Variants in FGF11 observed in about 807,000 individuals in gnomAD.
FGF11 encodes the protein fibroblast growth factor 11, also known as fibroblast growth factor homologous factor 3.
In FGF11, 25 loss-of-function variants were observed where a neutral mutation model predicts 25.1. That is an observed-to-expected ratio of 1.00 (90% CI 0.73 to 1.39). The LOEUF is 1.39. Among genes scored for constraint, FGF11 ranks in the 40% most tolerant of loss-of-function variants. The probability of loss-of-function intolerance (pLI) is 0.00; values close to 1 mark genes in which losing one functional copy is unlikely to be tolerated. For missense variants in FGF11, 320 were observed against 311.0 expected (o/e 1.03, Z -0.22); for synonymous variants, 130 against 128.9 (o/e 1.01, Z -0.06).
At position 7,439,811 on chromosome 17, in the gene FGF11, C is replaced by G; in HGVS notation, c.191C>G (p.Pro64Arg). The part of the protein sequence containing the change: ...GGRPARPDRG[P>R]EPQLKGIVTK... ...CGGCCCGCGCGGCCGGACCGCGGCC[C>G]GGGTGAGTGCGGCTGGGGCGGGGTC... is the stretch of plus-strand genomic sequence containing the variant. The change falls in exon 1 of 5, where the codon CCG (proline) becomes CGG (arginine). Residue 64 changes from proline to arginine, a missense_variant and splice_region_variant. By Grantham distance (103) the Pro-to-Arg change is moderately radical. Coordinates refer to ENST00000293829, the MANE Select transcript of FGF11 (RefSeq NM_004112.4). The G allele has an allele frequency of 7.0e-7, 1 of 1,427,562 alleles. No individual in the cohort carries two copies. The highest frequency in any genetic ancestry group is 9.1e-7 in the Non-Finnish European group (1 of 1,096,566). 88.4% of individuals were successfully genotyped at this position (1,427,562 alleles called of 1,614,324 possible). A position where few individuals can be genotyped will look rare whatever the true frequency, so the allele number is the denominator to read the frequency against.
At chr17:7,441,133 C>T (rs140464396) in intron 1 of FGF11, 7 of 308,288 alleles carry the variant, frequency 2.3e-5, no homozygotes, top group Middle Eastern at 2.5e-3. Context: ...CCCTGCTGGT[C>T]TCCCTCTGTC....
Position 7,440,070 on chromosome 17 carries a change from C to T in FGF11, c.193+257C>T, listed in dbSNP as rs917574296. 4.2e-5 allele frequency: 16 copies of T among 382,740 alleles called. No homozygotes were observed. Among genetic ancestry groups the T allele is most frequent in the African/African-American group, 3.1e-4 (15 of 47,992 alleles). The allele number at this position is 382,740 out of a possible 1,614,324, so 23.7% of individuals were successfully genotyped here. On this transcript the variant is annotated intron_variant, in intron 1 of 4. Transcript: ENST00000293829. The surrounding 1 kb of genome is among the most constrained non-coding windows in gnomAD (Gnocchi z 5.4). Reference sequence around the variant, plus strand: ...CGCCCCGAAAGCCTCGTAGTTCCTGCTCGTCCCCCCTTCCCAACACAGCAG... The same window carrying T: ...CGCCCCGAAAGCCTCGTAGTTCCTGTTCGTCCCCCCTTCCCAACACAGCAG...
At position 7,444,518 on chromosome 17, in the gene FGF11, C is replaced by T. The variant is rs1046827787; in HGVS notation, c.*1372C>T. ...GGCCAAGAAGGGTGAAGGCCTCTTG[C>T]ACTCCAGACCTCATACGCCCCAACA... is the stretch of plus-strand genomic sequence containing the variant. On this transcript the variant is annotated 3_prime_UTR_variant, in exon 5 of 5. Coordinates refer to ENST00000293829, the MANE Select transcript of FGF11 (RefSeq NM_004112.4). The T allele has an allele frequency of 3.2e-5, 5 of 156,196 alleles. No homozygotes were observed. Among genetic ancestry groups the T allele is most frequent in the Admixed American group, 6.2e-5 (1 of 16,192 alleles). 9.7% of individuals were successfully genotyped at this position (156,196 alleles called of 1,614,324 possible). A position where few individuals can be genotyped will look rare whatever the true frequency, so the allele number is the denominator to read the frequency against.
At chr17:7,441,242 A>G (rs1352781846) in intron 1 of FGF11, 3 of 530,448 alleles carry the variant, frequency 5.7e-6, no homozygotes, top group Admixed American at 3.2e-5. Flanking sequence ...ATAAATTTCA[A>G]TAAATTACAC....
At chr17:7,443,020 T>TG in intron 4 of FGF11, 56 bp from the exon 5 acceptor site, 1 of 1,406,348 alleles carries the variant, frequency 7.1e-7, no homozygotes, top group Non-Finnish European at 1.0e-6. Context: ...TGGTTCTGCC[T>TG]GGGTCCCTCT....
rs2150835807 is a variant in FGF11, at chr17:7,443,848, G to C, written c.*702G>C. ...CCACGGGTTTAACCTTCTTATCCCA[G>C]AGACACCCAATTCTAGAGCTTTATG... On this transcript the variant is annotated 3_prime_UTR_variant, in exon 5 of 5. Transcript: ENST00000293829. 1 of 152,338 alleles carries C rather than the reference G, an allele frequency of 6.6e-6. No individual in the cohort carries two copies. The highest frequency in any genetic ancestry group is 1.9e-4 in the East Asian group (1 of 5,196). 9.4% of individuals were successfully genotyped at this position (152,338 alleles called of 1,614,324 possible).
chr17:7,442,096 T>G (rs1263293978), intron 3 of FGF11: 2 of 483,124 alleles, frequency 4.1e-6, no homozygotes, highest in African/African-American at 3.9e-5. Flanking sequence ...CAGCCCCAGG[T>G]TCTTTGAATG....
intron 1 of FGF11, 140 bp downstream of exon 1, chr17:7,439,953 C>T: frequency 1.7e-6 from 1 of 596,854 alleles, no homozygotes. Flanking sequence ...AAAGTCCCTG[C>T]CAGACTGTGC....
In FGF11 at chr17:7,440,595, G is replaced by A; in HGVS notation, c.193+782G>A. On this transcript the variant is annotated intron_variant, in intron 1 of 4. Transcript: ENST00000293829. This position sits in a 1 kb window ranked among gnomAD's most constrained non-coding sequence, Gnocchi z 5.4. ...GCGATGGGGGAGGAGAGTTGTGAGA[G>A]TTAGAATTGGTCCCCGTCCATGTAC... 2 of 906,942 alleles carry A rather than the reference G, an allele frequency of 2.2e-6. No individual in the cohort carries two copies. Among genetic ancestry groups the A allele is most frequent in the South Asian group, 1.0e-4 (2 of 19,730 alleles). The allele number at this position is 906,942 out of a possible 1,614,324, so 56.2% of individuals were successfully genotyped here.
At chr17:7,442,419 A>G in intron 3 of FGF11, 175 bp from the exon 4 acceptor site, 1 of 1,439,260 alleles carries the variant, frequency 6.9e-7, no homozygotes, top group Non-Finnish European at 9.1e-7. Flanking sequence ...CCTAGTTCTT[A>G]GCCCTCAGCC....
chr17:7,442,056 C>T, intron 3 of FGF11, 177 bp downstream of exon 3: 1 of 558,380 alleles, frequency 1.8e-6, no homozygotes, highest in Admixed American at 3.5e-5. Flanking sequence ...TAGGGTCTCT[C>T]CAGTCCCCAC....
At chr17:7,442,421 C>T (rs1597744698) in intron 3 of FGF11, 173 bp from the exon 4 acceptor site, 1 of 1,443,110 alleles carries the variant, frequency 6.9e-7, no homozygotes, top group East Asian at 2.5e-5. Context: ...TAGTTCTTAG[C>T]CCTCAGCCCT....
rs549356495 is a variant in FGF11, at chr17:7,439,518, G to C, written c.-103G>C. ...GTCCTGTGGGTGGGGCAGCGAGTCG[G>C]GGCCTGAGCGTCAAGAGCATGCCCT... On this transcript the variant is annotated 5_prime_UTR_variant, in exon 1 of 5. Transcript: ENST00000293829. 1.9e-4 allele frequency: 183 copies of C among 968,176 alleles called. No homozygotes were observed. In the African/African-American group the frequency reaches 3.0e-3, roughly 16 times the overall value. 60.0% of individuals were successfully genotyped at this position (968,176 alleles called of 1,614,324 possible).
chr17:7,442,076 A>C (rs1908355306), intron 3 of FGF11, 197 bp downstream of exon 3: 3 of 503,238 alleles, frequency 6.0e-6, no homozygotes, highest in Non-Finnish European at 7.0e-6. Flanking sequence ...CTCCTTGCAC[A>C]CCCCCAAAAC....
chr17:7,442,998 CT>C (rs1908404732), intron 4 of FGF11, 77 bp from the exon 5 acceptor site: 1 of 1,284,978 alleles, frequency 7.8e-7, no homozygotes, highest in Middle Eastern at 1.9e-4. Context: ...GAAGGGAGCC[CT>C]TTTGGAGCAC....
chr17:7,442,138 T>G, intron 3 of FGF11: 1 of 424,526 alleles, frequency 2.4e-6, no homozygotes, highest in East Asian at 4.1e-5. Context: ...GGGCCCCTAC[T>G]TCTTATCCCA....
At position 7,443,313 on chromosome 17, in the gene FGF11, C is replaced by T. The variant is rs774109701; in HGVS notation, c.*167C>T. 15 of 570,728 alleles carry T rather than the reference C, an allele frequency of 2.6e-5. No individual in the cohort carries two copies. The highest frequency in any genetic ancestry group is 4.4e-4 in the Middle Eastern group (1 of 2,254). 35.4% of individuals were successfully genotyped at this position (570,728 alleles called of 1,614,324 possible). ...GAGCCTAGGGGCTGACTGTGACTTC[C>T]GAGGCTGCTGAGACCCTTAGATCTT... On this transcript the variant is annotated 3_prime_UTR_variant, in exon 5 of 5. Transcript: ENST00000293829.
chr17:7,441,890 G>C lies in FGF11; in HGVS notation c.408+11G>C. ...CTGCTCTACAGTTCGGTGAGACAATGAGGCTGAGTGGCCGGGAAATACTGG... is the reference window on the plus strand; with the variant it reads ...CTGCTCTACAGTTCGGTGAGACAATCAGGCTGAGTGGCCGGGAAATACTGG... On this transcript the variant is annotated intron_variant, in intron 3 of 4. Transcript: ENST00000293829. The C allele has an allele frequency of 6.4e-7, 1 of 1,564,772 alleles. No individual in the cohort carries two copies. The highest frequency in any genetic ancestry group is 8.7e-7 in the Non-Finnish European group (1 of 1,154,300).
At chr17:7,441,986 A>C in intron 3 of FGF11, 107 bp downstream of exon 3, 9 of 807,314 alleles carry the variant, frequency 1.1e-5, no homozygotes, top group South Asian at 9.7e-5. Flanking sequence ...TTTGCCCGGG[A>C]CTCCTCCCTC....
Sources: allele counts gnomAD v4.1 joint callset, GRCh38; gene constraint gnomAD v4.1.1; non-coding constraint Gnocchi (gnomAD v3.1); transcripts MANE v1.5; gene names NCBI Gene and HGNC (gene_info 2026-07-23, HGNC 2026-07-21).